SLC9A7: variants seen among roughly 807,000 people sequenced by gnomAD.
SLC9A7 encodes solute carrier family 9 member A7.
In SLC9A7, 19 loss-of-function variants were observed where a neutral mutation model predicts 52.6. The ratio of observed to expected loss-of-function variants is 0.36; its 90% CI spans 0.25 to 0.53. The LOEUF is 0.53. Among genes scored for constraint, SLC9A7 ranks in the 20% least tolerant of loss-of-function variants. The pLI, the probability that SLC9A7 is intolerant of heterozygous loss-of-function variation, is 0.91. For synonymous variants in SLC9A7, 226 were observed against 252.1 expected, an observed-to-expected ratio of 0.90 and a Z score of 0.98; for missense variants, 455 against 597.9, an observed-to-expected ratio of 0.76 and a Z score of 2.49.
At chrX:46,669,785 G>A in intron 4 of SLC9A7, 66 bp from the exon 5 acceptor site, 1 of 512,635 alleles carries the variant, frequency 2.0e-6, no homozygotes, top group South Asian at 4.0e-5. Flanking sequence ...CACGCAAGCA[G>A]AATAGCACTA....
chrX:46,678,202 A>G (rs1303546705), intron 3 of SLC9A7, among the ~76,000 whole-genome samples: 1 of 110,546 alleles, frequency 9.0e-6, no homozygotes, highest in Non-Finnish European at 1.9e-5. Context: ...TCTAGATCCT[A>G]AGGATGTTGT....
At chrX:46,671,291 C>G (rs751910002) in intron 4 of SLC9A7, among the ~76,000 whole-genome samples, 1 of 110,479 alleles carries the variant, frequency 9.1e-6, no homozygotes, top group Admixed American at 9.6e-5. Context: ...GACAGAGTCT[C>G]ACTCTGTCGC....
chrX:46,653,557 C>T lies in SLC9A7; in HGVS notation c.1147+52G>A, dbSNP rs185096311. The T allele has an allele frequency of 6.1e-3, 5,396 of 887,298 alleles. 13 individuals carry two copies. The highest frequency in any genetic ancestry group is 8.0e-3 in the Non-Finnish European group (4,903 of 611,927). 73.1% of individuals were successfully genotyped at this position (887,298 alleles called of 1,213,427 possible). A position where few individuals can be genotyped will look rare whatever the true frequency, so the allele number is the denominator to read the frequency against. On this transcript the variant is annotated intron_variant, in intron 8 of 16. Transcript: ENST00000616978. ...ATTCTTCCCTTCCTTCAAGTTCCCA[C>T]AGACCCCACTACAGTGAGGGGAAGG...
chrX:46,655,679 C>T (rs1239795770), intron 7 of SLC9A7, among the ~76,000 whole-genome samples: 2 of 112,658 alleles, frequency 1.8e-5, no homozygotes, highest in African/African-American at 3.2e-5. Flanking sequence ...TAAAAAACAG[C>T]GCACCAGGAG....
intron 2 of SLC9A7, among the ~76,000 whole-genome samples, chrX:46,681,053 CTCT>C (rs1342103722): frequency 8.9e-6 from 1 of 112,335 alleles, no homozygotes; most frequent in African/African-American, 3.2e-5. Flanking sequence ...CAGTCCAATG[CTCT>C]TCTTATCAAC....
chrX:46,635,685 G>A (rs55694998), intron 12 of SLC9A7, 37 bp from the exon 13 acceptor site: 1 of 1,083,479 alleles, frequency 9.2e-7, no homozygotes, highest in South Asian at 1.9e-5. Flanking sequence ...GTGTGACAGG[G>A]ACAACAGGAG....
chrX:46,634,095 G>A lies in SLC9A7; in HGVS notation c.1676+1494C>T, dbSNP rs972375974. ...TATCTCTCTCCTGACCTGGTATAAC[G>A]CTTTTGATCCAGGACACTGGAACTT... On this transcript the variant is annotated intron_variant, in intron 13 of 16. Transcript: ENST00000616978. Among the ~76,000 whole-genome samples, 5 of 111,866 alleles carry A rather than the reference G, an allele frequency of 4.5e-5. 1 individual carries two copies. Among genetic ancestry groups the A allele is most frequent in the South Asian group, 7.4e-4 (2 of 2,700 alleles).
At chrX:46,737,940 T>C (rs1452914985) in intron 1 of SLC9A7, among the ~76,000 whole-genome samples, 1 of 107,694 alleles carries the variant, frequency 9.3e-6, no homozygotes, top group African/African-American at 3.4e-5. Context: ...GGTGGGAGGA[T>C]CACTTGAGCC....
At position 46,603,341 on chromosome X, in the gene SLC9A7, C is replaced by T. The variant is rs1355292076; in HGVS notation, c.*3611G>A. ...GGAAAACCCTGATGGGAAGCCCACC[C>T]CTCTAGTTTTGGTCTTGGCAATCTA... On this transcript the variant is annotated 3_prime_UTR_variant, in exon 17 of 17. Coordinates refer to ENST00000616978, the MANE Select transcript of SLC9A7 (RefSeq NM_001257291.2). 8.9e-6 allele frequency: 1 copy of T among 112,111 alleles called. No homozygotes were observed. Among genetic ancestry groups the T allele is most frequent in the Non-Finnish European group, 1.9e-5 (1 of 53,240 alleles). The allele number at this position is 112,111 out of a possible 1,213,427, so 9.2% of individuals were successfully genotyped here. A position where few individuals can be genotyped will look rare whatever the true frequency, so the allele number is the denominator to read the frequency against.
chrX:46,731,432 T>TATATTAAAAA (rs748259550), intron 1 of SLC9A7, among the ~76,000 whole-genome samples: 2 of 78,248 alleles, frequency 2.6e-5, no homozygotes, highest in Non-Finnish European at 5.3e-5. Flanking sequence ...TATAAAAAAT[T>TATATTAAAAA]AAAAAAAATT....
intron 1 of SLC9A7, among the ~76,000 whole-genome samples, chrX:46,710,830 C>T (rs1305842757): frequency 9.5e-6 from 1 of 105,560 alleles, no homozygotes; most frequent in Non-Finnish European, 1.9e-5. Context: ...CTTCCTCTGT[C>T]CTTTCTAAGC....
At chrX:46,691,943 G>C (rs188443927) in intron 1 of SLC9A7, among the ~76,000 whole-genome samples, 1 of 111,127 alleles carries the variant, frequency 9.0e-6, no homozygotes, top group East Asian at 2.8e-4. Context: ...TATAAATGCT[G>C]ATTTATTTAG....
At chrX:46,613,422 G>A (rs1602132868) in intron 15 of SLC9A7, 28 bp from the exon 16 acceptor site, 1 of 1,073,827 alleles carries the variant, frequency 9.3e-7, no homozygotes. Context: ...AGGAAAAATG[G>A]CTGCAAAGAA....
intron 8 of SLC9A7, 113 bp from the exon 9 acceptor site, chrX:46,651,517 T>C: frequency 3.5e-6 from 2 of 566,202 alleles, no homozygotes; most frequent in East Asian, 3.5e-5. Flanking sequence ...TCCAACTTCC[T>C]GAATATTTTT....
At chrX:46,645,618 CTTTTTTT>C (rs34064206) in intron 11 of SLC9A7, among the ~76,000 whole-genome samples, 1 of 78,071 alleles carries the variant, frequency 1.3e-5, no homozygotes, top group Non-Finnish European at 2.3e-5. Context: ...TCCCCACTCC[CTTTTTTT>C]TTTTTTTTTT....
rs762182753 is a variant in SLC9A7, at chrX:46,622,010, G to A, written c.1741-951C>T. On this transcript the variant is annotated intron_variant, in intron 14 of 16. Transcript: ENST00000616978. ...ATCATGGTGAATGTAAATTCTACCC[G>A]CAATGGCAACATCAAATAATTAATC... 3.4e-4 allele frequency among the ~76,000 whole-genome samples: 23 copies of A among 67,052 alleles called. No individual in the cohort carries two copies. The South Asian group carries it at 9.0e-3, about 26-fold the overall frequency. 58.2% of individuals were successfully genotyped at this position (67,052 alleles called of 115,157 possible).
chrX:46,611,315 C>T (rs1408308499), intron 16 of SLC9A7, among the ~76,000 whole-genome samples: 2 of 112,403 alleles, frequency 1.8e-5, no homozygotes, highest in Non-Finnish European at 3.7e-5. Context: ...ATAGATATTA[C>T]ATTTAAAACT....
intron 1 of SLC9A7, among the ~76,000 whole-genome samples, chrX:46,705,453 T>G (rs1174728076): frequency 2.7e-5 from 3 of 112,047 alleles, no homozygotes; most frequent in Non-Finnish European, 5.6e-5. Flanking sequence ...CACCTCCAAT[T>G]AAGAAGATCT....
chrX:46,642,578 C>T (rs747195806), intron 12 of SLC9A7, among the ~76,000 whole-genome samples: 1 of 112,120 alleles, frequency 8.9e-6, no homozygotes, highest in Non-Finnish European at 1.9e-5. Context: ...TCTCTTGAAC[C>T]TTATTTCCAG....
Sources: allele counts gnomAD v4.1 joint callset (sites outside exome capture counted in the v4.1 genomes callset), GRCh38; gene constraint gnomAD v4.1.1; transcripts MANE v1.5; gene names NCBI Gene and HGNC (gene_info 2026-07-23, HGNC 2026-07-21).